BTBD9: variants seen among roughly 807,000 people sequenced by gnomAD.
BTBD9 encodes the protein BTB/POZ domain-containing protein 9.
Under a neutral mutation model 64.3 loss-of-function variants are expected in BTBD9, and 49 were observed. That is an observed-to-expected ratio of 0.76 (90% CI 0.61 to 0.97). BTBD9 has a LOEUF of 0.97. BTBD9 is among the 50% of genes least tolerant of loss of function. The pLI, the probability that BTBD9 is intolerant of heterozygous loss-of-function variation, is 0.00. For missense variants in BTBD9, 598 were observed against 762.1 expected, an observed-to-expected ratio of 0.78 and a Z score of 2.53; for synonymous variants, 260 against 274.7, an observed-to-expected ratio of 0.95 and a Z score of 0.53.
At chr6:38,262,022 A>C (rs867548613) in intron 8 of BTBD9, among the ~76,000 whole-genome samples, 1 of 152,252 alleles carries the variant, frequency 6.6e-6, no homozygotes, top group Non-Finnish European at 1.5e-5. Flanking sequence ...ATACTAAAGG[A>C]AAAACTGATT....
At chr6:38,626,729 A>G (rs1778181694) in intron 1 of BTBD9, among the ~76,000 whole-genome samples, 1 of 152,212 alleles carries the variant, frequency 6.6e-6, no homozygotes, top group African/African-American at 2.4e-5. Flanking sequence ...TAGTGACTAC[A>G]TGCTCTTTGC....
At chr6:38,580,146 C>T in intron 5 of BTBD9, 72 bp downstream of exon 5, 2 of 1,434,670 alleles carry the variant, frequency 1.4e-6, no homozygotes, top group Non-Finnish European at 1.9e-6. Context: ...ATCTGTAAAA[C>T]AAAAGTAGAT....
chr6:38,554,327 A>C (rs573937254), intron 6 of BTBD9, among the ~76,000 whole-genome samples: 5 of 152,330 alleles, frequency 3.3e-5, no homozygotes, highest in Admixed American at 2.6e-4. Context: ...TATCTCAACT[A>C]TACAGTGACT....
intron 6 of BTBD9, among the ~76,000 whole-genome samples, chr6:38,534,342 A>G (rs1773921698): frequency 6.6e-6 from 1 of 151,970 alleles, no homozygotes; most frequent in Non-Finnish European, 1.5e-5. Flanking sequence ...ATTTAAACAG[A>G]CCAGTAATAA....
intron 9 of BTBD9, among the ~76,000 whole-genome samples, chr6:38,235,602 C>G (rs1763749761): frequency 6.6e-6 from 1 of 152,112 alleles, no homozygotes; most frequent in African/African-American, 2.4e-5. Context: ...ACGTGCTCAT[C>G]TTAGCAGCTC....
chr6:38,498,450 C>G (rs944994033), intron 6 of BTBD9, among the ~76,000 whole-genome samples: 5 of 96,372 alleles, frequency 5.2e-5, no homozygotes, highest in African/African-American at 1.9e-4. Flanking sequence ...CTTTTTCTAT[C>G]TAGTACTAAA....
chr6:38,257,972 A>T (rs1027453344), intron 8 of BTBD9, among the ~76,000 whole-genome samples: 1 of 146,872 alleles, frequency 6.8e-6, no homozygotes, highest in East Asian at 2.0e-4. Context: ...TTCCTCCATT[A>T]AAAAAAAAAT....
chr6:38,485,192 A>G (rs994516567), intron 6 of BTBD9, among the ~76,000 whole-genome samples: 3 of 152,204 alleles, frequency 2.0e-5, no homozygotes, highest in Non-Finnish European at 4.4e-5. Flanking sequence ...CATCCATAAG[A>G]AGCAACTCCT....
intron 6 of BTBD9, among the ~76,000 whole-genome samples, chr6:38,483,916 T>C (rs1176461158): frequency 2.6e-5 from 4 of 152,220 alleles, no homozygotes; most frequent in African/African-American, 9.6e-5. Context: ...CATTCCAATT[T>C]TGTCAAACTA....
At chr6:38,271,509 T>G (rs12524219) in intron 8 of BTBD9, among the ~76,000 whole-genome samples, 3,326 of 152,296 alleles carry the variant, frequency 0.022, 136 homozygotes, top group East Asian at 0.092. Flanking sequence ...CTGAATGGAT[T>G]AGGCATTGGT....
intron 7 of BTBD9, among the ~76,000 whole-genome samples, chr6:38,311,844 A>G (rs1245855733): frequency 1.3e-5 from 2 of 152,012 alleles, no homozygotes; most frequent in Non-Finnish European, 2.9e-5. Context: ...AATTTAGAGT[A>G]CCTGAGCACC....
intron 6 of BTBD9, among the ~76,000 whole-genome samples, chr6:38,471,933 T>C (rs574875680): frequency 2.0e-5 from 3 of 152,354 alleles, no homozygotes; most frequent in African/African-American, 7.2e-5. Flanking sequence ...TTGAGTTGAA[T>C]ATATTTGCAA....
intron 8 of BTBD9, among the ~76,000 whole-genome samples, chr6:38,286,820 G>A (rs984226105): frequency 8.5e-5 from 13 of 152,050 alleles, no homozygotes; most frequent in African/African-American, 2.9e-4. Context: ...CATGGCTCAT[G>A]CCTGTAATCC....
intron 6 of BTBD9, among the ~76,000 whole-genome samples, chr6:38,540,371 CTAG>C (rs1368393134): frequency 1.3e-5 from 2 of 152,088 alleles, no homozygotes; most frequent in Admixed American, 1.3e-4. Context: ...ATGGAATAGG[CTAG>C]TAATCCATGA....
chr6:38,547,914 T>C (rs1175576825), intron 6 of BTBD9, among the ~76,000 whole-genome samples: 4 of 152,214 alleles, frequency 2.6e-5, no homozygotes, highest in African/African-American at 4.8e-5. Context: ...TGGCACACTG[T>C]AGACTTTCAG....
chr6:38,314,057 G>C (rs765296737), intron 7 of BTBD9, among the ~76,000 whole-genome samples: 4 of 151,542 alleles, frequency 2.6e-5, no homozygotes, highest in Non-Finnish European at 5.9e-5. Context: ...CTTTTAATGT[G>C]ATGTTGCTAG....
chr6:38,529,827 C>T (rs1773704922), intron 6 of BTBD9, among the ~76,000 whole-genome samples: 2 of 152,020 alleles, frequency 1.3e-5, no homozygotes, highest in Non-Finnish European at 2.9e-5. Flanking sequence ...TGTGTTTGAA[C>T]AATATGAAAT....
Position 38,544,281 on chromosome 6 carries a change from CTT to C in BTBD9, c.1154+33317_1154+33318del, listed in dbSNP as rs1774428372. On this transcript the variant is annotated intron_variant, in intron 6 of 10. Coordinates refer to ENST00000481247, the MANE Select transcript of BTBD9 (RefSeq NM_001099272.2). ...TTACTATACCATTTTATATAACAGACTTGAGTATCTGGGGATTTTAGTATCCA... is the reference window on the plus strand; with the variant it reads ...TTACTATACCATTTTATATAACAGACGAGTATCTGGGGATTTTAGTATCCA... 3.3e-5 allele frequency among the ~76,000 whole-genome samples: 5 copies of C among 152,160 alleles called. No homozygotes were observed. The South Asian group carries it at 1.0e-3, about 32-fold the overall frequency.
At chr6:38,317,425 CT>C (rs906444515) in intron 7 of BTBD9, among the ~76,000 whole-genome samples, 21 of 151,364 alleles carry the variant, frequency 1.4e-4, no homozygotes, top group African/African-American at 3.9e-4. Flanking sequence ...TTTTAGGATC[CT>C]TTTTTTTTAT....
Sources: allele counts gnomAD v4.1 joint callset (sites outside exome capture counted in the v4.1 genomes callset), GRCh38; gene constraint gnomAD v4.1.1; transcripts MANE v1.5; gene names NCBI Gene and HGNC (gene_info 2026-07-23, HGNC 2026-07-21).